PPARGC1A: variants seen among roughly 807,000 people sequenced by gnomAD.
PPARGC1A encodes the protein peroxisome proliferator-activated receptor gamma coactivator 1-alpha.
A neutral mutation model predicts 88.7 loss-of-function variants in PPARGC1A; 25 were observed. The ratio of observed to expected loss-of-function variants is 0.28; its 90% confidence interval spans 0.21 to 0.39. The LOEUF (loss-of-function observed/expected upper bound fraction) is 0.39. Ranked by LOEUF, PPARGC1A falls within the 10% of genes least tolerant of loss-of-function variation. The probability of loss-of-function intolerance (pLI) is 1.00; values close to 1 mark genes in which losing one functional copy is unlikely to be tolerated. For missense variants in PPARGC1A, 880 were observed against 968.7 expected (o/e 0.91, Z 1.22); for synonymous variants, 363 against 355.6 (o/e 1.02, Z -0.24).
the PPARGC1A span, among the ~76,000 whole-genome samples, chr4:24,462,949 T>A: frequency 6.6e-6 from 1 of 151,952 alleles, no homozygotes; most frequent in Non-Finnish European, 1.5e-5. Context: ...GCAGAGTCCC[T>A]TCTGCACTGC....
the PPARGC1A span, among the ~76,000 whole-genome samples, chr4:23,949,395 C>G: frequency 0.2 from 30,918 of 152,136 alleles, 3,937 homozygotes; most frequent in Non-Finnish European, 0.3. Flanking sequence ...AAATTACGTA[C>G]AGGTAGCGGC....
chr4:24,344,999 G>A, the PPARGC1A span, among the ~76,000 whole-genome samples: 1 of 152,006 alleles, frequency 6.6e-6, no homozygotes, highest in African/African-American at 2.4e-5. Flanking sequence ...AGCACCATTT[G>A]TTGAAAAGGG....
the PPARGC1A span, among the ~76,000 whole-genome samples, chr4:24,217,295 G>A: frequency 6.6e-6 from 1 of 152,186 alleles, no homozygotes; most frequent in Non-Finnish European, 1.5e-5. Context: ...AATTAACAAT[G>A]GGTTGAGCAA....
At chr4:24,370,749 C>CTTTTTTTTTTTTTT in the PPARGC1A span, among the ~76,000 whole-genome samples, 1 of 62,870 alleles carries the variant, frequency 1.6e-5, no homozygotes, top group Non-Finnish European at 2.8e-5. Flanking sequence ...CTGTCTCTCT[C>CTTTTTTTTTTTTTT]TTTTTTTTTT....
the PPARGC1A span, among the ~76,000 whole-genome samples, chr4:24,186,104 G>A: frequency 6.6e-6 from 1 of 152,142 alleles, no homozygotes; most frequent in Non-Finnish European, 1.5e-5. Context: ...ACATGCCAAT[G>A]ATCAGCCCTA....
the PPARGC1A span, among the ~76,000 whole-genome samples, chr4:24,194,994 T>C: frequency 2.0e-5 from 3 of 152,192 alleles, no homozygotes; most frequent in Non-Finnish European, 2.9e-5. Flanking sequence ...AGCTAAGGTA[T>C]CCCATGGTCA....
the PPARGC1A span, among the ~76,000 whole-genome samples, chr4:24,290,864 C>T: frequency 0.027 from 4,098 of 152,256 alleles, 96 homozygotes; most frequent in Non-Finnish European, 0.041. Flanking sequence ...TCATCATCTG[C>T]CTAAAATTTG....
chr4:23,936,626 C>A, the PPARGC1A span, among the ~76,000 whole-genome samples: 1 of 152,104 alleles, frequency 6.6e-6, no homozygotes, highest in Non-Finnish European at 1.5e-5. Flanking sequence ...AATCCCAACA[C>A]TTTGGTAGGC....
chr4:24,102,507 C>T, the PPARGC1A span, among the ~76,000 whole-genome samples: 4 of 152,154 alleles, frequency 2.6e-5, no homozygotes, highest in Non-Finnish European at 4.4e-5. Context: ...TTCCAGGGTC[C>T]CCTTTGGAGG....
chr4:23,824,057 A>G (rs990713506), intron 7 of PPARGC1A, among the ~76,000 whole-genome samples: 1 of 151,968 alleles, frequency 6.6e-6, no homozygotes, highest in African/African-American at 2.4e-5. Flanking sequence ...AGTTTGCCTA[A>G]GAGCTCTTCA....
the PPARGC1A span, among the ~76,000 whole-genome samples, chr4:23,974,434 C>T: frequency 1.1e-4 from 16 of 152,126 alleles, no homozygotes; most frequent in Non-Finnish European, 1.9e-4. Flanking sequence ...AATCCTGTCT[C>T]TCGTGTTCAC....
the PPARGC1A span, among the ~76,000 whole-genome samples, chr4:24,022,218 G>A: frequency 6.6e-6 from 1 of 152,118 alleles, no homozygotes; most frequent in Non-Finnish European, 1.5e-5. Context: ...CTCACTCCCT[G>A]AGCATCTTCT....
chr4:23,950,752 C>T, the PPARGC1A span, among the ~76,000 whole-genome samples: 1,051 of 152,228 alleles, frequency 6.9e-3, 8 homozygotes, highest in Admixed American at 9.6e-3. Context: ...CTCTTCCTTA[C>T]ACTTCATGTA....
the PPARGC1A span, among the ~76,000 whole-genome samples, chr4:24,393,351 C>T: frequency 6.6e-6 from 1 of 151,328 alleles, no homozygotes; most frequent in Non-Finnish European, 1.5e-5. Flanking sequence ...ATTGAAGAAG[C>T]CACGGAGATA....
the PPARGC1A span, among the ~76,000 whole-genome samples, chr4:24,275,960 T>C: frequency 6.6e-6 from 1 of 152,086 alleles, no homozygotes; most frequent in Non-Finnish European, 1.5e-5. Flanking sequence ...CGAGAAAGAA[T>C]TGAAGGAAAT....
chr4:24,290,995 C>T, the PPARGC1A span, among the ~76,000 whole-genome samples: 1 of 152,192 alleles, frequency 6.6e-6, no homozygotes, highest in Non-Finnish European at 1.5e-5. Flanking sequence ...TTTCTCCACC[C>T]TCCATTGCTC....
At chr4:24,464,797 G>A in the PPARGC1A span, among the ~76,000 whole-genome samples, 1 of 152,030 alleles carries the variant, frequency 6.6e-6, no homozygotes. Flanking sequence ...ATTTCCCTTT[G>A]CATCAACCAT....
intron 2 of PPARGC1A, among the ~76,000 whole-genome samples, chr4:23,863,097 C>G (rs116292271): frequency 6.6e-6 from 1 of 152,096 alleles, no homozygotes; most frequent in African/African-American, 2.4e-5. Flanking sequence ...TTTTTCACCA[C>G]AACATCCAAC....
the PPARGC1A span, among the ~76,000 whole-genome samples, chr4:24,099,749 C>T: frequency 6.6e-5 from 10 of 151,840 alleles, no homozygotes; most frequent in Non-Finnish European, 1.3e-4. Context: ...ATGTTTCTTC[C>T]CTCTCCATTT....
Sources: allele counts gnomAD v4.1 joint callset (sites outside exome capture counted in the v4.1 genomes callset), GRCh38; gene constraint gnomAD v4.1.1; transcripts MANE v1.5; gene names NCBI Gene and HGNC (gene_info 2026-07-23, HGNC 2026-07-21).